EPHA3: variants seen among roughly 807,000 people sequenced by gnomAD.
EPHA3 encodes the protein ephrin type-A receptor 3.
A neutral mutation model predicts 107.1 loss-of-function variants in EPHA3; 42 were observed. The ratio of observed to expected loss-of-function variants is 0.39; its 90% CI spans 0.31 to 0.51. The LOEUF (loss-of-function observed/expected upper bound fraction) is 0.51. Among genes scored for constraint, EPHA3 ranks in the 20% least tolerant of loss-of-function variants. The pLI, the probability that EPHA3 is intolerant of heterozygous loss-of-function variation, is 0.78. For synonymous variants in EPHA3, 461 were observed against 424.8 expected (o/e 1.09, Z -1.05); for missense variants, 1,183 against 1,211.2 (o/e 0.98, Z 0.35).
intron 2 of EPHA3, among the ~76,000 whole-genome samples, chr3:89,194,396 A>G (rs777524075): frequency 3.3e-5 from 5 of 151,954 alleles, no homozygotes; most frequent in African/African-American, 9.7e-5. Flanking sequence ...TGCAGAAACA[A>G]TGTGGTTTAT....
chr3:89,189,906 A>T (rs1705666211), intron 2 of EPHA3, among the ~76,000 whole-genome samples: 1 of 152,270 alleles, frequency 6.6e-6, no homozygotes, highest in South Asian at 2.1e-4. Context: ...GCCATTTTGC[A>T]TTGAGATTTA....
At chr3:89,471,438 GGCTCACC>G (rs1390035466) in intron 15 of EPHA3, among the ~76,000 whole-genome samples, 1 of 152,040 alleles carries the variant, frequency 6.6e-6, no homozygotes, top group Non-Finnish European at 1.5e-5. Context: ...GCATGAACTC[GGCTCACC>G]GCAACCTTCG....
rs114710427 is a variant in EPHA3, at chr3:89,384,561, T to G, written c.1307-11276T>G. Among the ~76,000 whole-genome samples the G allele has an allele frequency of 8.1e-3, 1,238 of 152,310 alleles. 13 individuals are homozygous for G. The highest frequency in any genetic ancestry group is 0.024 in the African/African-American group (996 of 41,562). Reference sequence around the variant, plus strand: ...ACAAACAGAAGTGTGAAGCATGTATTTTTCATACATAAAATTAAGAATATT... The same window carrying G: ...ACAAACAGAAGTGTGAAGCATGTATGTTTCATACATAAAATTAAGAATATT... On this transcript the variant is annotated intron_variant, in intron 5 of 16. Transcript: ENST00000336596.
chr3:89,383,864 T>G (rs1160636263), intron 5 of EPHA3, among the ~76,000 whole-genome samples: 1 of 151,714 alleles, frequency 6.6e-6, no homozygotes, highest in Admixed American at 6.6e-5. Flanking sequence ...TAGCCAGGAT[T>G]GTCTCGATCT....
chr3:89,353,849 A>G (rs1406771709), intron 5 of EPHA3, among the ~76,000 whole-genome samples: 1 of 151,404 alleles, frequency 6.6e-6, no homozygotes, highest in East Asian at 1.9e-4. Context: ...GGAGAGCTTC[A>G]TGAATCTAAA....
chr3:89,442,417 A>C (rs1274481078), intron 13 of EPHA3, among the ~76,000 whole-genome samples: 1 of 152,152 alleles, frequency 6.6e-6, no homozygotes, highest in African/African-American at 2.4e-5. Flanking sequence ...ATTGTACAAC[A>C]TTTAAAGCAG....
At chr3:89,212,081 A>C (rs1043972999) in intron 3 of EPHA3, among the ~76,000 whole-genome samples, 6 of 151,930 alleles carry the variant, frequency 3.9e-5, no homozygotes, top group African/African-American at 1.4e-4. Flanking sequence ...ATGCAAGCTT[A>C]AACTGATAAG....
intron 10 of EPHA3, among the ~76,000 whole-genome samples, chr3:89,417,173 A>G (rs1049928911): frequency 6.6e-6 from 1 of 151,454 alleles, no homozygotes; most frequent in Non-Finnish European, 1.5e-5. Context: ...CAACAGCTTT[A>G]TGAGGTAGAT....
intron 3 of EPHA3, among the ~76,000 whole-genome samples, chr3:89,337,291 A>AT (rs921700796): frequency 6.6e-6 from 1 of 152,192 alleles, no homozygotes; most frequent in Admixed American, 6.5e-5. Context: ...TCAATGATTG[A>AT]TTTTTATAAA....
chr3:89,366,878 T>C (rs552337999), intron 5 of EPHA3, among the ~76,000 whole-genome samples: 7 of 150,922 alleles, frequency 4.6e-5, no homozygotes, highest in African/African-American at 1.7e-4. Context: ...GCAACTAAAA[T>C]GTATTGGATA....
At chr3:89,235,660 A>C (rs1704741392) in intron 3 of EPHA3, among the ~76,000 whole-genome samples, 1 of 152,004 alleles carries the variant, frequency 6.6e-6, no homozygotes, top group South Asian at 2.1e-4. Flanking sequence ...ATTTTTCATG[A>C]ACATGGTGTA....
intron 1 of EPHA3, among the ~76,000 whole-genome samples, chr3:89,117,283 T>A (rs1707280478): frequency 6.6e-6 from 1 of 152,140 alleles, no homozygotes; most frequent in Non-Finnish European, 1.5e-5. Flanking sequence ...ACTTTTTGCC[T>A]ATGATAAAGT....
chr3:89,417,820 A>G (rs1709278879), intron 10 of EPHA3, among the ~76,000 whole-genome samples: 1 of 151,486 alleles, frequency 6.6e-6, no homozygotes, highest in Non-Finnish European at 1.5e-5. Flanking sequence ...AGTTGCTATT[A>G]TGAATATTTA....
At chr3:89,271,050 A>G (rs1400815918) in intron 3 of EPHA3, among the ~76,000 whole-genome samples, 3 of 152,038 alleles carry the variant, frequency 2.0e-5, no homozygotes, top group Non-Finnish European at 2.9e-5. Context: ...CCTCCCTACT[A>G]TTTGTAGCTA....
intron 5 of EPHA3, among the ~76,000 whole-genome samples, chr3:89,389,720 C>A (rs1338668711): frequency 1.3e-5 from 2 of 152,160 alleles, no homozygotes; most frequent in Admixed American, 1.3e-4. Flanking sequence ...TGTCTGTCAC[C>A]AGATCTGGCA....
Position 89,479,859 on chromosome 3 carries a change from T to C in EPHA3, c.*357T>C, listed in dbSNP as rs778680632. 62 of 250,650 alleles carry C rather than the reference T, an allele frequency of 2.5e-4. No individual in the cohort carries two copies. Among genetic ancestry groups the C allele is most frequent in the Non-Finnish European group, 2.7e-4 (35 of 129,086 alleles). 15.5% of individuals were successfully genotyped at this position (250,650 alleles called of 1,614,324 possible). A position where few individuals can be genotyped will look rare whatever the true frequency, so the allele number is the denominator to read the frequency against. On this transcript the variant is annotated 3_prime_UTR_variant, in exon 17 of 17. Transcript: ENST00000336596. ...ACAAAATGGACATGGTGGCTTTGTT[T>C]AGGTAGAGCCACAAAAGAAAAGACT... is the stretch of plus-strand genomic sequence containing the variant.
chr3:89,295,728 T>C (rs1706333365), intron 3 of EPHA3, among the ~76,000 whole-genome samples: 1 of 152,038 alleles, frequency 6.6e-6, no homozygotes, highest in Non-Finnish European at 1.5e-5. Context: ...GTAGCTGGGA[T>C]TGTAGGCATG....
chr3:89,308,821 T>C (rs546977140), intron 3 of EPHA3, among the ~76,000 whole-genome samples: 4 of 152,190 alleles, frequency 2.6e-5, no homozygotes, highest in African/African-American at 7.2e-5. Context: ...GTAGATAACA[T>C]TGAATTAACG....
rs781135119 is a variant in EPHA3 at position 89,399,312 on chromosome 3, T to A, written c.1432-6T>A. Reference sequence around the variant, plus strand: ...TTAACATGAATTTTTTTTTCTGACCTCAAAGCAGGAACAAGAAACAAGTTA... The same window carrying A: ...TTAACATGAATTTTTTTTTCTGACCACAAAGCAGGAACAAGAAACAAGTTA... On this transcript the variant is annotated splice_region_variant and splice_polypyrimidine_tract_variant and intron_variant, in intron 6 of 16. Transcript: ENST00000336596. The A allele has an allele frequency of 1.9e-6, 3 of 1,590,588 alleles. No individual in the cohort carries two copies. The highest frequency in any genetic ancestry group is 2.6e-6 in the Non-Finnish European group (3 of 1,163,792).
Sources: gnomAD v4.1 joint callset for allele counts (sites outside exome capture counted in the v4.1 genomes callset) on GRCh38, gnomAD v4.1.1 for gene constraint, MANE v1.5 for transcripts, NCBI Gene and HGNC (gene_info 2026-07-23, HGNC 2026-07-21) for gene names.